Variants in PIEZO2 observed in about 807,000 individuals in gnomAD.
The protein encoded by PIEZO2 is piezo type mechanosensitive ion channel component 2.
In PIEZO2, 172 loss-of-function variants were observed where a neutral mutation model predicts 337.3. The ratio of observed to expected loss-of-function variants is 0.51; its 90% confidence interval spans 0.45 to 0.58. PIEZO2 has a LOEUF of 0.58. PIEZO2 is among the 20% of genes least tolerant of loss of function. The pLI, the probability that PIEZO2 is intolerant of heterozygous loss-of-function variation, is 0.00. For synonymous variants in PIEZO2, 1,251 were observed against 1,228.5 expected (o/e 1.02, Z -0.38); for missense variants, 3,028 against 3,391.3 (o/e 0.89, Z 2.66).
At position 11,016,615 on chromosome 18, in the gene PIEZO2, T is replaced by C. The variant is rs916395766; in HGVS notation, c.161-36955A>G. Among the ~76,000 whole-genome samples the C allele has an allele frequency of 6.6e-6, 1 of 152,018 alleles. No individual in the cohort carries two copies. Among genetic ancestry groups the C allele is most frequent in the African/African-American group, 2.4e-5 (1 of 41,384 alleles). On this transcript the variant is annotated intron_variant, in intron 2 of 55. Coordinates refer to ENST00000674853, the MANE Select transcript of PIEZO2 (RefSeq NM_001378183.1). The surrounding 1 kb of genome is among the most constrained non-coding windows in gnomAD (Gnocchi z 5.6). ...TAACTCAAGGTAAAAAGAAAACAAA[T>C]GCTGGGATTCTGAATACAATCCTAG...
Position 10,781,605 on chromosome 18 carries a change from A to G in PIEZO2, c.2493-1239T>C, listed in dbSNP as rs568264362. Among the ~76,000 whole-genome samples the G allele has an allele frequency of 4.5e-4, 68 of 152,262 alleles. 1 individual carries two copies. Among genetic ancestry groups the G allele is most frequent in the African/African-American group, 1.5e-3 (62 of 41,528 alleles). ...ATTCTATCAATATATAGGTGAAATAATATTCCTGAGATTGCCTCCTTAGGA... is the reference window on the plus strand; with the variant it reads ...ATTCTATCAATATATAGGTGAAATAGTATTCCTGAGATTGCCTCCTTAGGA... On this transcript the variant is annotated intron_variant, in intron 17 of 55. Transcript: ENST00000674853. The surrounding 1 kb of genome is among the most constrained non-coding windows in gnomAD (Gnocchi z 4.1).
intron 2 of PIEZO2, among the ~76,000 whole-genome samples, chr18:10,995,278 GAACT>G (rs1471289176): frequency 1.3e-5 from 2 of 152,126 alleles, no homozygotes; most frequent in African/African-American, 4.8e-5. Context: ...TATCTTCTGA[GAACT>G]ATCTATTCAT....
intron 1 of PIEZO2, among the ~76,000 whole-genome samples, chr18:11,085,774 A>G (rs997594946): frequency 6.6e-6 from 1 of 150,572 alleles, no homozygotes; most frequent in African/African-American, 2.4e-5. Context: ...ATAGAAAAAA[A>G]ATTTTTTTTA....
intron 4 of PIEZO2, among the ~76,000 whole-genome samples, chr18:10,909,641 G>GTT (rs886412534): frequency 6.6e-6 from 1 of 152,286 alleles, no homozygotes; most frequent in Admixed American, 6.5e-5. Flanking sequence ...AATAAATAAC[G>GTT]TAAGTGTGGC....
At chr18:11,124,708 G>C (rs1339292022) in intron 1 of PIEZO2, among the ~76,000 whole-genome samples, 2 of 152,054 alleles carry the variant, frequency 1.3e-5, no homozygotes, top group Non-Finnish European at 2.9e-5. Flanking sequence ...TCAGAGAGAT[G>C]ATGAGATCAT....
At chr18:10,936,711 A>T (rs1451118914) in intron 3 of PIEZO2, among the ~76,000 whole-genome samples, 2 of 152,230 alleles carry the variant, frequency 1.3e-5, no homozygotes, top group Non-Finnish European at 2.9e-5. Flanking sequence ...ACAGGCAATC[A>T]AAAACATAGC....
chr18:10,840,854 C>A (rs139163747), intron 7 of PIEZO2, among the ~76,000 whole-genome samples: 2 of 152,282 alleles, frequency 1.3e-5, no homozygotes, highest in Non-Finnish European at 2.9e-5. Flanking sequence ...AGAAAACATG[C>A]ATTCCTCTTG....
rs964834102 is a variant in PIEZO2, at chr18:10,724,538, C to T, written c.5030-6279G>A. ...TGGTCACACCCACTCATGCTGGTCT[C>T]CACATACCCTTCTGTGTCCCCAGAA... On this transcript the variant is annotated intron_variant, in intron 36 of 55. Coordinates refer to ENST00000674853, the MANE Select transcript of PIEZO2 (RefSeq NM_001378183.1). This position sits in a 1 kb window ranked among gnomAD's most constrained non-coding sequence, Gnocchi z 5.8. The T allele has an allele frequency of 2.4e-5, 13 of 532,204 alleles. No homozygotes were observed. Among genetic ancestry groups the T allele is most frequent in the African/African-American group, 2.1e-4 (11 of 52,374 alleles). The allele number at this position is 532,204 out of a possible 1,614,324, so 33.0% of individuals were successfully genotyped here. A position where few individuals can be genotyped will look rare whatever the true frequency, so the allele number is the denominator to read the frequency against.
At position 10,820,318 on chromosome 18, in the gene PIEZO2, C is replaced by T. The variant is rs370108958; in HGVS notation, c.918-13044G>A. 1.5e-3 allele frequency among the ~76,000 whole-genome samples: 221 copies of T among 150,722 alleles called. 1 individual carries two copies. The highest frequency in any genetic ancestry group is 5.1e-3 in the African/African-American group (210 of 41,194). On this transcript the variant is annotated intron_variant, in intron 7 of 55. Transcript: ENST00000674853. ...TTCTGTTAGACCTTTTGAAGCTGTCCTATAGCTTATGTGGTTCAGTGGTTT... is the reference window on the plus strand; with the variant it reads ...TTCTGTTAGACCTTTTGAAGCTGTCTTATAGCTTATGTGGTTCAGTGGTTT...
intron 2 of PIEZO2, among the ~76,000 whole-genome samples, chr18:11,000,321 G>A (rs894282598): frequency 1.1e-4 from 16 of 152,090 alleles, no homozygotes; most frequent in South Asian, 2.1e-4. Flanking sequence ...GGCATATTAC[G>A]GAGCCAAAAG....
At chr18:10,798,658 T>G (rs1194455613) in intron 11 of PIEZO2, among the ~76,000 whole-genome samples, 8 of 152,230 alleles carry the variant, frequency 5.3e-5, no homozygotes, top group African/African-American at 1.9e-4. Flanking sequence ...TTTCAGTATG[T>G]CTGGGTTGTC....
intron 7 of PIEZO2, among the ~76,000 whole-genome samples, chr18:10,842,397 T>C (rs1201411254): frequency 2.6e-5 from 4 of 152,134 alleles, no homozygotes; most frequent in African/African-American, 9.7e-5. Context: ...ATGAATAGAT[T>C]AATGCCCTCC....
chr18:10,844,658 G>A (rs955013477), intron 7 of PIEZO2, among the ~76,000 whole-genome samples: 3 of 151,056 alleles, frequency 2.0e-5, no homozygotes, highest in African/African-American at 7.3e-5. Context: ...GCGTGGTGGT[G>A]GGTGCCTGTA....
Position 11,143,633 on chromosome 18 carries a change from A to ACT in PIEZO2, c.64+4891_64+4892insAG, listed in dbSNP as rs1380540646. 1.0e-4 allele frequency among the ~76,000 whole-genome samples: 7 copies of ACT among 68,978 alleles called. No individual in the cohort carries two copies. Among genetic ancestry groups the ACT allele is most frequent in the African/African-American group, 5.6e-4 (7 of 12,432 alleles). The allele number at this position is 68,978 out of a possible 152,430, so 45.3% of individuals were successfully genotyped here. A position where few individuals can be genotyped will look rare whatever the true frequency, so the allele number is the denominator to read the frequency against. ...CACACACACACACACACACACACACACACACACTCTCTCTCTCTCTCTCTC... is the reference window on the plus strand; with the variant it reads ...CACACACACACACACACACACACACACTCACACACTCTCTCTCTCTCTCTCTC... On this transcript the variant is annotated intron_variant, in intron 1 of 55. Coordinates refer to ENST00000674853, the MANE Select transcript of PIEZO2 (RefSeq NM_001378183.1). The surrounding 1 kb of genome is among the most constrained non-coding windows in gnomAD (Gnocchi z 4.9).
rs1409544918 is a variant in PIEZO2 at position 10,847,691 on chromosome 18, C to T, written c.917+7662G>A. Among the ~76,000 whole-genome samples the T allele has an allele frequency of 2.6e-5, 4 of 152,164 alleles. No homozygotes were observed. The highest frequency in any genetic ancestry group is 9.7e-5 in the African/African-American group (4 of 41,426). On this transcript the variant is annotated intron_variant, in intron 7 of 55. Coordinates refer to ENST00000674853, the MANE Select transcript of PIEZO2 (RefSeq NM_001378183.1). This position sits in a 1 kb window ranked among gnomAD's most constrained non-coding sequence, Gnocchi z 5.7. ...CCACTTATCTGTGTAAAGTCAATTT[C>T]TCTTGGGGCACCTAACTCTACCTTT...
intron 1 of PIEZO2, among the ~76,000 whole-genome samples, chr18:11,139,457 C>T (rs1356252731): frequency 6.6e-6 from 1 of 151,978 alleles, no homozygotes; most frequent in African/African-American, 2.4e-5. Context: ...TTGATAAGCC[C>T]CTAATTGCCC....
rs1286117741 is a variant in PIEZO2, at chr18:11,078,180, A to G, written c.65-11958T>C. On this transcript the variant is annotated intron_variant, in intron 1 of 55. Coordinates refer to ENST00000674853, the MANE Select transcript of PIEZO2 (RefSeq NM_001378183.1). This position sits in a 1 kb window ranked among gnomAD's most constrained non-coding sequence, Gnocchi z 5.3. ...ACACATACACACACCACACACACAT[A>G]CACACACACACTTGTATGGGCTTTA... Among the ~76,000 whole-genome samples, 4 of 151,824 alleles carry G rather than the reference A, an allele frequency of 2.6e-5. No individual in the cohort carries two copies. Among genetic ancestry groups the G allele is most frequent in the Non-Finnish European group, 5.9e-5 (4 of 67,934 alleles).
Position 10,727,513 on chromosome 18 carries a change from A to T in PIEZO2, c.5029+3894T>A, listed in dbSNP as rs2036589159. ...CTCTCACTGGTCATGTATTTATTCC[A>T]TATTTATATGATCTACTTCCTGTGG... On this transcript the variant is annotated intron_variant, in intron 36 of 55. Transcript: ENST00000674853. This position sits in a 1 kb window ranked among gnomAD's most constrained non-coding sequence, Gnocchi z 6.3. 1 of 152,282 alleles carries T rather than the reference A, an allele frequency of 6.6e-6. No homozygotes were observed. The highest frequency in any genetic ancestry group is 2.4e-5 in the African/African-American group (1 of 41,356). The allele number at this position is 152,282 out of a possible 1,614,324, so 9.4% of individuals were successfully genotyped here. A position where few individuals can be genotyped will look rare whatever the true frequency, so the allele number is the denominator to read the frequency against.
intron 3 of PIEZO2, among the ~76,000 whole-genome samples, chr18:10,964,621 A>AAGTAAGCAAT (rs2033926058): frequency 6.6e-6 from 1 of 152,218 alleles, no homozygotes; most frequent in Admixed American, 6.5e-5. Context: ...AACCATTTGA[A>AAGTAAGCAAT]AGTAAGCAAT....
Sources: gnomAD v4.1 joint callset for allele counts (sites outside exome capture counted in the v4.1 genomes callset) on GRCh38, gnomAD v4.1.1 for gene constraint, Gnocchi (gnomAD v3.1) non-coding constraint, MANE v1.5 for transcripts, NCBI Gene and HGNC (gene_info 2026-07-23, HGNC 2026-07-21) for gene names.